Variants in SLC4A11 observed in about 807,000 individuals in gnomAD.
The protein encoded by SLC4A11 is solute carrier family 4 member 11, also known as bicarbonate transporter related protein 1.
Under a neutral mutation model 95.0 loss-of-function variants are expected in SLC4A11, and 74 were observed. The observed-to-expected ratio is 0.78, with a 90% CI of 0.65 to 0.95. SLC4A11 has a LOEUF of 0.95. SLC4A11 is among the 40% of genes least tolerant of loss of function. SLC4A11 has a pLI of 0.00. For missense variants in SLC4A11, 1,081 were observed against 1,192.4 expected (o/e 0.91, Z 1.38); for synonymous variants, 548 against 519.0 (o/e 1.06, Z -0.76).
Position 3,234,019 on chromosome 20 carries a change from G to T in SLC4A11, c.524-17C>A. The T allele has an allele frequency of 6.2e-7, 1 of 1,613,802 alleles. No individual in the cohort carries two copies. The highest frequency in any genetic ancestry group is 8.5e-7 in the Non-Finnish European group (1 of 1,179,950). ...GCAGGTGGACTGAGGAAAGAGTGAG[G>T]GGGAGGGTGGTGGGTCAACAGCCCC... is the stretch of plus-strand genomic sequence containing the variant. On this transcript the variant is annotated splice_polypyrimidine_tract_variant and intron_variant, in intron 5 of 19. Coordinates refer to ENST00000642402, the MANE Select transcript of SLC4A11 (RefSeq NM_001174089.2). This position sits in a 1 kb window ranked among gnomAD's most constrained non-coding sequence, Gnocchi z 5.8.
rs376391611 is a variant in SLC4A11, at chr20:3,234,473, T to G, written c.291+95A>C. 1 of 1,565,246 alleles carries G rather than the reference T, an allele frequency of 6.4e-7. No individual in the cohort carries two copies. The highest frequency in any genetic ancestry group is 8.8e-7 in the Non-Finnish European group (1 of 1,138,910). On this transcript the variant is annotated intron_variant, in intron 4 of 19. Coordinates refer to ENST00000642402, the MANE Select transcript of SLC4A11 (RefSeq NM_001174089.2). The surrounding 1 kb of genome is among the most constrained non-coding windows in gnomAD (Gnocchi z 5.8). ...CCCTGTTGAGCTGCTCCTGGAGGCA[T>G]GGGAAGAGGGGAGCAGCGGGAGGAT...
chr20:3,233,511 C>T lies in SLC4A11; in HGVS notation c.729+3G>A, dbSNP rs1355867469. 5 of 1,613,514 alleles carry T rather than the reference C, an allele frequency of 3.1e-6. No individual in the cohort carries two copies. The highest frequency in any genetic ancestry group is 4.2e-6 in the Non-Finnish European group (5 of 1,180,000). On this transcript the variant is annotated splice_donor_region_variant and intron_variant, in intron 7 of 19. Coordinates refer to ENST00000642402, the MANE Select transcript of SLC4A11 (RefSeq NM_001174089.2). ...TCCCCAGGACACGGCACTACCCACT[C>T]ACCATCTTGGGTGGGGCCAGCACCA...
Position 3,234,500 on chromosome 20 carries a change from C to T in SLC4A11, c.291+68G>A, listed in dbSNP as rs922887220. On this transcript the variant is annotated intron_variant, in intron 4 of 19. Coordinates refer to ENST00000642402, the MANE Select transcript of SLC4A11 (RefSeq NM_001174089.2). The surrounding 1 kb of genome is among the most constrained non-coding windows in gnomAD (Gnocchi z 5.8). Reference sequence around the variant, plus strand: ...GGAAGAGGGGAGCAGCGGGAGGATTCTCAGGGAAGCCATCACCTCAGCCCC... The same window carrying T: ...GGAAGAGGGGAGCAGCGGGAGGATTTTCAGGGAAGCCATCACCTCAGCCCC... The T allele has an allele frequency of 6.2e-7, 1 of 1,603,282 alleles. No individual in the cohort carries two copies. The highest frequency in any genetic ancestry group is 1.3e-5 in the African/African-American group (1 of 74,776).
At chr20:3,230,330 C>T (rs905825475) in intron 12 of SLC4A11, 70 bp from the exon 13 acceptor site, 32 of 1,589,594 alleles carry the variant, frequency 2.0e-5, no homozygotes, top group Non-Finnish European at 2.8e-5. Context: ...CCTCCCTGAG[C>T]CCCTGCACAG....
In SLC4A11 at chr20:3,230,500, G is replaced by C. The variant is rs199733596; in HGVS notation, c.1415+15C>G. On this transcript the variant is annotated intron_variant, in intron 12 of 19. Coordinates refer to ENST00000642402, the MANE Select transcript of SLC4A11 (RefSeq NM_001174089.2). Reference sequence around the variant, plus strand: ...AGCCTTGAGGGTCCCAGCAGCTCACGGAAGGGCCAGTCACCTCTTGAAGAG... The same window carrying C: ...AGCCTTGAGGGTCCCAGCAGCTCACCGAAGGGCCAGTCACCTCTTGAAGAG... The C allele has an allele frequency of 6.2e-7, 1 of 1,613,582 alleles. No individual in the cohort carries two copies. Among genetic ancestry groups the C allele is most frequent in the African/African-American group, 1.3e-5 (1 of 74,948 alleles).
chr20:3,239,096 G>C lies in SLC4A11; in HGVS notation c.42C>G (p.Cys14Trp). 1 of 1,476,930 alleles carries C rather than the reference G, an allele frequency of 6.8e-7. No individual in the cohort carries two copies. Among genetic ancestry groups the C allele is most frequent in the Non-Finnish European group, 8.9e-7 (1 of 1,118,548 alleles). 91.5% of individuals were successfully genotyped at this position (1,476,930 alleles called of 1,614,324 possible). A position where few individuals can be genotyped will look rare whatever the true frequency, so the allele number is the denominator to read the frequency against. The change falls in exon 1 of 20, where the codon TGC becomes TGG. Residue 14 changes from cysteine (C) to tryptophan (W), a missense_variant and splice_region_variant. Physicochemically the swap from Cys to Trp is radical, Grantham distance 215. Coordinates refer to ENST00000642402, the MANE Select transcript of SLC4A11 (RefSeq NM_001174089.2). ...ATRRVFHLQP[C>W]ENSPTMSQNG... ...GCGCCCCCGGGTTCAGGCACCCACCGCACGGCTGCAGATGGAACACGCGCC... is the reference window on the plus strand; with the variant it reads ...GCGCCCCCGGGTTCAGGCACCCACCCCACGGCTGCAGATGGAACACGCGCC...
Position 3,229,719 on chromosome 20 carries a change from G to A in SLC4A11, c.1547C>T (p.Ser516Leu). 2 of 1,614,008 alleles carry A rather than the reference G, an allele frequency of 1.2e-6. No homozygotes were observed. Among genetic ancestry groups the A allele is most frequent in the South Asian group, 1.1e-5 (1 of 91,086 alleles). The change falls in exon 14 of 20, where the codon TCA becomes TTA. Residue 516 changes from serine to leucine, a missense_variant. Physicochemically the swap from Ser to Leu is moderately radical, Grantham distance 145. Coordinates refer to ENST00000642402, the MANE Select transcript of SLC4A11 (RefSeq NM_001174089.2). ...GAGGCCTGACAGGCTGACAAGGGATGAAGTCCTTTTTGTGTGATAGTCGTC... is the reference window on the plus strand; with the variant it reads ...GAGGCCTGACAGGCTGACAAGGGATAAAGTCCTTTTTGTGTGATAGTCGTC... ...YLDDYHTKRT[S>L]SLVSLSGLGA...
chr20:3,236,756 G>A (rs1351987278), intron 2 of SLC4A11, among the ~76,000 whole-genome samples: 1 of 151,906 alleles, frequency 6.6e-6, no homozygotes, highest in African/African-American at 2.4e-5. Context: ...GCACCCACTA[G>A]TCCCCTCCAC....
chr20:3,235,794 C>T (rs1433857984), intron 2 of SLC4A11, among the ~76,000 whole-genome samples: 1 of 152,136 alleles, frequency 6.6e-6, no homozygotes, highest in Non-Finnish European at 1.5e-5. Flanking sequence ...CCCTGCTCCC[C>T]CTGCCCTGAC....
intron 6 of SLC4A11, 39 bp downstream of exon 6, chr20:3,233,882 C>T: frequency 6.2e-7 from 1 of 1,607,870 alleles, no homozygotes; most frequent in Non-Finnish European, 8.5e-7. Flanking sequence ...CCCAGTTCCA[C>T]TGCGACAAGA....
intron 1 of SLC4A11, chr20:3,237,989 G>C: frequency 6.5e-7 from 1 of 1,548,102 alleles, no homozygotes; most frequent in Non-Finnish European, 8.7e-7. Flanking sequence ...TCTCTCCTCG[G>C]ATGCCAAGGC....
At chr20:3,239,407 A>G, upstream of SLC4A11, 1 of 1,089,250 alleles carries the variant, frequency 9.2e-7, no homozygotes, top group Non-Finnish European at 1.1e-6. Flanking sequence ...CTGCTGGGCC[A>G]AACCGAGTAG....
At chr20:3,228,813 C>T (rs746948955) in intron 17 of SLC4A11, 25 bp downstream of exon 17, 57 of 1,613,580 alleles carry the variant, frequency 3.5e-5, no homozygotes, top group East Asian at 2.5e-4. Flanking sequence ...TCAGGGTCCA[C>T]GGCTCTTGCC....
Position 3,233,766 on chromosome 20 carries a change from G to A in SLC4A11, c.606-129C>T, listed in dbSNP as rs1415065128. ...GAGGGAAAAGAAGAGCAAATGGGAC[G>A]TTCCTTGGCAGTGCTCCAGCCCTCT... On this transcript the variant is annotated intron_variant, in intron 6 of 19. Coordinates refer to ENST00000642402, the MANE Select transcript of SLC4A11 (RefSeq NM_001174089.2). 8 of 1,527,346 alleles carry A rather than the reference G, an allele frequency of 5.2e-6. No homozygotes were observed. In the African/African-American group the frequency reaches 5.5e-5, roughly 10 times the overall value. The allele number at this position is 1,527,346 out of a possible 1,614,324, so 94.6% of individuals were successfully genotyped here. A position where few individuals can be genotyped will look rare whatever the true frequency, so the allele number is the denominator to read the frequency against.
intron 1 of SLC4A11, chr20:3,238,700 G>A (rs2068067120): frequency 2.0e-6 from 2 of 1,011,172 alleles, no homozygotes; most frequent in Non-Finnish European, 2.4e-6. Context: ...GAAGATGCCC[G>A]GGCGGAAGGT....
chr20:3,232,242 ACT>A (rs1332026173), intron 7 of SLC4A11, among the ~76,000 whole-genome samples: 7 of 146,086 alleles, frequency 4.8e-5, no homozygotes, highest in Non-Finnish European at 9.4e-5. Context: ...CCCGTCAGGC[ACT>A]CTCTCTCTCG....
chr20:3,228,894 G>A lies in SLC4A11; in HGVS notation c.2136C>T (p.His712=), dbSNP rs368894887. 91 of 1,613,962 alleles carry A rather than the reference G, an allele frequency of 5.6e-5. No individual in the cohort carries two copies. In the African/African-American group the frequency reaches 6.3e-4, roughly 11 times the overall value. ...CCTCCACTAAGGCCAGGGCTCGCAC[G>A]TGCAGCGGGGAGTGGGGGTAGGCGG... is the stretch of plus-strand genomic sequence containing the variant. ...IHAAYPHSPL[H]VRALALVEER... The change falls in exon 17 of 20, where the codon CAC becomes CAT. Residue 712 remains histidine, a synonymous_variant. Transcript: ENST00000642402.
intron 6 of SLC4A11, 97 bp downstream of exon 6, chr20:3,233,824 G>C: frequency 1.3e-6 from 2 of 1,523,696 alleles, no homozygotes; most frequent in Non-Finnish European, 1.8e-6. Flanking sequence ...CAGAGCCCCA[G>C]GACTCACAGG....
rs780171125 is a variant in SLC4A11 at position 3,230,969 on chromosome 20, C to G, written c.1132G>C (p.Gly378Arg). 3 of 1,613,738 alleles carry G rather than the reference C, an allele frequency of 1.9e-6. No homozygotes were observed. The highest frequency in any genetic ancestry group is 2.5e-6 in the Non-Finnish European group (3 of 1,179,986). Residue 378 changes from glycine (G) to arginine (R), a missense_variant, in exon 10 of 20, where the codon GGG becomes CGG. This residue lies in a region of SLC4A11 where 767 missense variants were observed against 858.0 expected (regional missense o/e 0.89). Transcript: ENST00000642402. The stretch of plus-strand genomic sequence containing the variant: ...TCTGTGTTCTCGTCATTGAGAGACC[C>G]GAAAGCGATGGTGGGCAGGAGGCAG... The part of the protein sequence containing the change: ...FACLLPTIAF[G>R]SLNDENTDGA...
Sources: gnomAD v4.1 joint callset for allele counts (sites outside exome capture counted in the v4.1 genomes callset) on GRCh38, gnomAD v4.1.1 for gene constraint, gnomAD v4.1.1 regional missense constraint, Gnocchi (gnomAD v3.1) non-coding constraint, MANE v1.5 for transcripts, NCBI Gene and HGNC (gene_info 2026-07-23, HGNC 2026-07-21) for gene names.